Variants in MGAT4C observed in about 807,000 individuals in gnomAD.
MGAT4C encodes the protein alpha-1,3-mannosyl-glycoprotein 4-beta-N-acetylglucosaminyltransferase C.
A neutral mutation model predicts 40.1 loss-of-function variants in MGAT4C; 19 were observed. The observed-to-expected ratio is 0.47, with a 90% CI of 0.33 to 0.70. MGAT4C has a LOEUF of 0.70. MGAT4C is among the 30% of genes least tolerant of loss of function. MGAT4C has a pLI of 0.02. For missense variants in MGAT4C, 491 were observed against 563.2 expected, an observed-to-expected ratio of 0.87 and a Z score of 1.30; for synonymous variants, 181 against 187.1, an observed-to-expected ratio of 0.97 and a Z score of 0.27.
At chr12:86,382,065 T>A (rs541069904) in intron 3 of MGAT4C, among the ~76,000 whole-genome samples, 1 of 152,168 alleles carries the variant, frequency 6.6e-6, no homozygotes, top group Non-Finnish European at 1.5e-5. Flanking sequence ...ACTTTGGAAC[T>A]GGGTAATAGG....
chr12:86,120,179 A>G (rs1316038555), intron 1 of MGAT4C, among the ~76,000 whole-genome samples: 1 of 150,496 alleles, frequency 6.6e-6, no homozygotes, highest in Non-Finnish European at 1.5e-5. Context: ...AAATATATAT[A>G]TAAATATAAA....
chr12:86,619,563 C>T (rs1330362282), intron 2 of MGAT4C, among the ~76,000 whole-genome samples: 1 of 152,092 alleles, frequency 6.6e-6, no homozygotes, highest in Admixed American at 6.5e-5. Context: ...AGCTTTGTTT[C>T]CTTATACTGT....
chr12:86,508,272 T>C (rs903648287), intron 2 of MGAT4C, among the ~76,000 whole-genome samples: 3 of 151,994 alleles, frequency 2.0e-5, no homozygotes, highest in South Asian at 2.1e-4. Context: ...AGTGTTCTCA[T>C]TGTTCAATTC....
intron 1 of MGAT4C, among the ~76,000 whole-genome samples, chr12:86,099,105 T>C (rs1339931934): frequency 6.6e-6 from 1 of 151,386 alleles, no homozygotes; most frequent in African/African-American, 2.4e-5. Flanking sequence ...TTTTAAAATG[T>C]TTTATATATC....
chr12:86,452,116 T>C (rs1486070075), intron 2 of MGAT4C, among the ~76,000 whole-genome samples: 1 of 152,124 alleles, frequency 6.6e-6, no homozygotes, highest in Non-Finnish European at 1.5e-5. Context: ...CTGTTTCTTG[T>C]TTGTTTTTCT....
intron 2 of MGAT4C, among the ~76,000 whole-genome samples, chr12:86,631,294 A>ATCC (rs1963031563): frequency 6.6e-6 from 1 of 152,182 alleles, no homozygotes; most frequent in Admixed American, 6.5e-5. Flanking sequence ...GCTCATGGAT[A>ATCC]GGAAGAATCA....
intron 3 of MGAT4C, among the ~76,000 whole-genome samples, chr12:86,367,626 C>T (rs548277152): frequency 7.9e-5 from 12 of 152,164 alleles, no homozygotes; most frequent in African/African-American, 1.7e-4. Flanking sequence ...GGTGAAACCT[C>T]GCCTCTACTA....
Position 85,958,479 on chromosome 12 carries a change from A to G in MGAT4C, c.*20810T>C, listed in dbSNP as rs923489697. ...TATTTTCTCAGACATATAAATTATC[A>G]TAATACTTTACATTGAGTCTCTATG... On this transcript the variant is annotated 3_prime_UTR_variant, in exon 5 of 5. Transcript: ENST00000611864. 3.3e-5 allele frequency: 5 copies of G among 152,170 alleles called. No homozygotes were observed. Among genetic ancestry groups the G allele is most frequent in the African/African-American group, 4.8e-5 (2 of 41,454 alleles). 9.4% of individuals were successfully genotyped at this position (152,170 alleles called of 1,614,324 possible). A position where few individuals can be genotyped will look rare whatever the true frequency, so the allele number is the denominator to read the frequency against.
chr12:86,465,206 T>C (rs931371143), intron 2 of MGAT4C, among the ~76,000 whole-genome samples: 1 of 152,132 alleles, frequency 6.6e-6, no homozygotes, highest in Non-Finnish European at 1.5e-5. Context: ...ATAAGCCATA[T>C]ACCCTTCACA....
chr12:86,690,433 C>G (rs1403194912), intron 2 of MGAT4C, among the ~76,000 whole-genome samples: 6 of 152,110 alleles, frequency 3.9e-5, no homozygotes, highest in Non-Finnish European at 7.3e-5. Context: ...AACCCAGGGC[C>G]CTGGTGGTGT....
At chr12:86,204,030 G>T (rs1345255775) in intron 1 of MGAT4C, among the ~76,000 whole-genome samples, 4 of 147,490 alleles carry the variant, frequency 2.7e-5, no homozygotes, top group Admixed American at 6.8e-5. Context: ...CAATGATAAA[G>T]AAATTAGAAG....
intron 2 of MGAT4C, among the ~76,000 whole-genome samples, chr12:86,536,906 G>GC (rs1231242000): frequency 6.6e-6 from 1 of 152,184 alleles, no homozygotes; most frequent in Non-Finnish European, 1.5e-5. Context: ...CTGCTATAAA[G>GC]ACACATGCAC....
At chr12:86,750,528 A>G (rs576218715) in intron 1 of MGAT4C, among the ~76,000 whole-genome samples, 1 of 152,036 alleles carries the variant, frequency 6.6e-6, no homozygotes, top group South Asian at 2.1e-4. Flanking sequence ...AAACTTGTCC[A>G]TGGTAGTCTT....
At chr12:86,754,729 T>A (rs368702574) in intron 1 of MGAT4C, among the ~76,000 whole-genome samples, 13 of 152,230 alleles carry the variant, frequency 8.5e-5, no homozygotes, top group African/African-American at 2.9e-4. Flanking sequence ...AATATATCCA[T>A]CTCTGTTTTA....
At chr12:86,429,569 T>C (rs1466626195) in intron 3 of MGAT4C, among the ~76,000 whole-genome samples, 1 of 152,180 alleles carries the variant, frequency 6.6e-6, no homozygotes, top group African/African-American at 2.4e-5. Flanking sequence ...TTTTTGTTTT[T>C]GTTTTTTTCT....
At chr12:86,632,535 A>T (rs753866960) in intron 2 of MGAT4C, among the ~76,000 whole-genome samples, 4 of 152,190 alleles carry the variant, frequency 2.6e-5, no homozygotes, top group Admixed American at 6.5e-5. Flanking sequence ...GACTGGATTA[A>T]GAAAATGGGC....
At chr12:86,523,293 T>C (rs999877798) in intron 2 of MGAT4C, among the ~76,000 whole-genome samples, 6 of 152,192 alleles carry the variant, frequency 3.9e-5, no homozygotes, top group African/African-American at 1.2e-4. Context: ...TCTTGTATCT[T>C]TGTTCTCATT....
intron 2 of MGAT4C, among the ~76,000 whole-genome samples, chr12:86,706,631 A>C (rs1190935899): frequency 1.3e-5 from 2 of 152,144 alleles, no homozygotes; most frequent in Non-Finnish European, 2.9e-5. Flanking sequence ...GAAGCAAGAC[A>C]GAGTCCTCAA....
At chr12:86,108,042 C>G (rs1876538351) in intron 1 of MGAT4C, among the ~76,000 whole-genome samples, 1 of 152,052 alleles carries the variant, frequency 6.6e-6, no homozygotes, top group South Asian at 2.1e-4. Context: ...GCTTAACCCT[C>G]TAGAGTAGCT....
Sources: gnomAD v4.1 joint callset for allele counts (sites outside exome capture counted in the v4.1 genomes callset) on GRCh38, gnomAD v4.1.1 for gene constraint, MANE v1.5 for transcripts, NCBI Gene and HGNC (gene_info 2026-07-23, HGNC 2026-07-21) for gene names.